PDE8B: variants seen among roughly 807,000 people sequenced by gnomAD.
The protein encoded by PDE8B is high affinity cAMP-specific and IBMX-insensitive 3',5'-cyclic phosphodiesterase 8B.
Under a neutral mutation model 101.3 loss-of-function variants are expected in PDE8B, and 26 were observed. That is an observed-to-expected ratio of 0.26 (90% CI 0.19 to 0.36). PDE8B has a LOEUF of 0.36. Among genes scored for constraint, PDE8B ranks in the 10% least tolerant of loss-of-function variants. The pLI, the probability that PDE8B is intolerant of heterozygous loss-of-function variation, is 1.00. For missense variants in PDE8B, 810 were observed against 1,163.1 expected, an observed-to-expected ratio of 0.70 and a Z score of 4.42; for synonymous variants, 424 against 429.3, an observed-to-expected ratio of 0.99 and a Z score of 0.15.
the PDE8B span, among the ~76,000 whole-genome samples, chr5:77,184,831 A>G: frequency 6.6e-6 from 1 of 152,084 alleles, no homozygotes; most frequent in Non-Finnish European, 1.5e-5. Context: ...TCAAAATAAA[A>G]ATAAAAATAA....
At chr5:77,147,033 T>C in the PDE8B span, 5 of 455,532 alleles carry the variant, frequency 1.1e-5, no homozygotes, top group African/African-American at 1.0e-4. Flanking sequence ...GAAGGAAAAA[T>C]ATGAAAAGGA....
At chr5:77,186,296 A>G in the PDE8B span, among the ~76,000 whole-genome samples, 9 of 152,250 alleles carry the variant, frequency 5.9e-5, no homozygotes, top group African/African-American at 2.2e-4. Flanking sequence ...GTTCCTAATT[A>G]GATCGTACAG....
At chr5:77,197,271 C>G in the PDE8B span, among the ~76,000 whole-genome samples, 2 of 140,554 alleles carry the variant, frequency 1.4e-5, no homozygotes, top group Non-Finnish European at 3.1e-5. Context: ...ACCACCATGC[C>G]TGGCTAATTT....
chr5:77,325,792 T>C (rs928545143), intron 3 of PDE8B, 63 bp downstream of exon 3: 148 of 1,093,170 alleles, frequency 1.4e-4, no homozygotes, highest in Admixed American at 1.2e-4. Flanking sequence ...CGAATTTCAT[T>C]TATAGATATC....
At chr5:77,373,398 A>G (rs1472590862) in intron 10 of PDE8B, among the ~76,000 whole-genome samples, 2 of 152,294 alleles carry the variant, frequency 1.3e-5, no homozygotes, top group East Asian at 3.9e-4. Flanking sequence ...GCTTTGTTGT[A>G]TGTACACACC....
intron 11 of PDE8B, 101 bp downstream of exon 11, chr5:77,400,391 A>G: frequency 1.2e-6 from 1 of 813,444 alleles, no homozygotes; most frequent in Admixed American, 1.8e-5. Context: ...CTACTACCCC[A>G]GAATGTGGAG....
the PDE8B span, chr5:77,151,523 G>C: frequency 3.3e-5 from 5 of 152,218 alleles, no homozygotes; most frequent in Admixed American, 1.3e-4. Flanking sequence ...TGGGAGAGTG[G>C]ACCTGATGGC....
At chr5:77,394,555 A>G (rs55932511) in intron 10 of PDE8B, among the ~76,000 whole-genome samples, 56,769 of 151,950 alleles carry the variant, frequency 0.37, 11,228 homozygotes, top group East Asian at 0.67. Context: ...CTGTGGGCTC[A>G]GGCAGTCTTA....
At chr5:77,347,512 A>G (rs1462591352) in intron 7 of PDE8B, among the ~76,000 whole-genome samples, 1 of 152,256 alleles carries the variant, frequency 6.6e-6, no homozygotes, top group Non-Finnish European at 1.5e-5. Flanking sequence ...TAACAAATAA[A>G]GAAAATAATA....
intron 21 of PDE8B, 135 bp from the exon 22 acceptor site, chr5:77,426,310 A>T (rs1426617240): frequency 2.8e-6 from 2 of 707,460 alleles, no homozygotes; most frequent in Non-Finnish European, 5.2e-6. Context: ...GTGTTTAATG[A>T]CTTGTCCTCA....
chr5:77,405,818 C>T (rs1482343173), intron 12 of PDE8B, among the ~76,000 whole-genome samples: 1 of 152,160 alleles, frequency 6.6e-6, no homozygotes, highest in African/African-American at 2.4e-5. Context: ...ATTTCACTCG[C>T]TCATTTGATT....
intron 1 of PDE8B, among the ~76,000 whole-genome samples, chr5:77,220,058 T>C (rs531259939): frequency 6.6e-6 from 1 of 152,264 alleles, no homozygotes; most frequent in East Asian, 1.9e-4. Flanking sequence ...CTTCCTGCTC[T>C]CCCCCTCCCA....
chr5:77,183,501 C>T, the PDE8B span, among the ~76,000 whole-genome samples: 1 of 152,196 alleles, frequency 6.6e-6, no homozygotes, highest in South Asian at 2.1e-4. Flanking sequence ...TGGAGCTGAA[C>T]CAGCCAGCTG....
chr5:77,309,630 C>CA (rs1772082733), intron 1 of PDE8B, among the ~76,000 whole-genome samples: 1 of 147,358 alleles, frequency 6.8e-6, no homozygotes. Flanking sequence ...ATTGGTTTCA[C>CA]TTTTTTTTTT....
At chr5:77,220,258 G>C (rs1191242803) in intron 1 of PDE8B, among the ~76,000 whole-genome samples, 1 of 152,176 alleles carries the variant, frequency 6.6e-6, no homozygotes, top group Non-Finnish European at 1.5e-5. Context: ...GTCAAACCCT[G>C]GGACTGGCTG....
chr5:77,256,180 A>G (rs1261895805), intron 1 of PDE8B, among the ~76,000 whole-genome samples: 1 of 152,250 alleles, frequency 6.6e-6, no homozygotes, highest in Non-Finnish European at 1.5e-5. Flanking sequence ...AACAAACAAT[A>G]TGCGGGTATA....
the PDE8B span, among the ~76,000 whole-genome samples, chr5:77,099,557 G>T: frequency 6.6e-6 from 1 of 152,116 alleles, no homozygotes; most frequent in East Asian, 1.9e-4. Flanking sequence ...GGACAGCATT[G>T]CTGGGGCATG....
chr5:77,173,608 A>C, the PDE8B span, among the ~76,000 whole-genome samples: 1 of 151,732 alleles, frequency 6.6e-6, no homozygotes, highest in African/African-American at 2.4e-5. Flanking sequence ...AATATTTCCT[A>C]ATTTATCTAT....
Position 77,393,304 on chromosome 5 carries a change from G to A in PDE8B, c.1168-6944G>A, listed in dbSNP as rs1256445360. Among the ~76,000 whole-genome samples the A allele has an allele frequency of 2.6e-5, 4 of 151,904 alleles. No homozygotes were observed. In the East Asian group the frequency reaches 7.8e-4, roughly 29 times the overall value. On this transcript the variant is annotated intron_variant, in intron 10 of 21. Coordinates refer to ENST00000264917, the MANE Select transcript of PDE8B (RefSeq NM_003719.5). ...AGCTACTCGGGTGGCTGAGGCCTGA[G>A]AATAGTTTGGACCCGGGAGGCAGAA...
Sources: allele counts gnomAD v4.1 joint callset (sites outside exome capture counted in the v4.1 genomes callset), GRCh38; gene constraint gnomAD v4.1.1; transcripts MANE v1.5; gene names NCBI Gene and HGNC (gene_info 2026-07-23, HGNC 2026-07-21).